Variants in TPGS2 observed in about 807,000 individuals in gnomAD.
The protein encoded by TPGS2 is tubulin polyglutamylase complex subunit 2.
Under a neutral mutation model 31.1 loss-of-function variants are expected in TPGS2, and 26 were observed. The ratio of observed to expected loss-of-function variants is 0.84; its 90% CI spans 0.61 to 1.16. The LOEUF (loss-of-function observed/expected upper bound fraction) is 1.16. Ranked by LOEUF, TPGS2 falls within the 50% of genes most tolerant of loss-of-function variation. The pLI, the probability that TPGS2 is intolerant of heterozygous loss-of-function variation, is 0.00. For synonymous variants in TPGS2, 130 were observed against 136.6 expected, an observed-to-expected ratio of 0.95 and a Z score of 0.34; for missense variants, 351 against 363.8, an observed-to-expected ratio of 0.96 and a Z score of 0.29.
chr18:36,780,079 T>C (rs991229200), downstream of TPGS2: 4 of 1,149,364 alleles, frequency 3.5e-6, no homozygotes, highest in African/African-American at 4.8e-5. Flanking sequence ...TTTATTCTTC[T>C]GGGAACAGGA....
chr18:36,820,404 C>T (rs1204939362), intron 1 of TPGS2, among the ~76,000 whole-genome samples: 1 of 152,184 alleles, frequency 6.6e-6, no homozygotes, highest in Non-Finnish European at 1.5e-5. Context: ...AATTGGCCAA[C>T]ATGTTGACTT....
intron 6 of TPGS2, among the ~76,000 whole-genome samples, chr18:36,788,332 C>A (rs1217276180): frequency 3.3e-5 from 5 of 152,184 alleles, no homozygotes; most frequent in Non-Finnish European, 5.9e-5. Flanking sequence ...TCTAGAACCA[C>A]GTGTGGTAGC....
intron 6 of TPGS2, 26 bp downstream of exon 6, chr18:36,798,423 T>C: frequency 1.2e-6 from 2 of 1,614,008 alleles, no homozygotes; most frequent in South Asian, 2.2e-5. Flanking sequence ...TACCATAGTT[T>C]ACAATGGCAG....
rs745992234 is a variant in TPGS2 at position 36,828,795 on chromosome 18, G to T, written c.-28C>A. ...CTCGCGACCGCGATTCGCGCGCGGC[G>T]GGAGCGGGTGGAGGGCCGGACCCCG... On this transcript the variant is annotated 5_prime_UTR_variant, in exon 1 of 7. Transcript: ENST00000334295. The T allele has an allele frequency of 5.0e-6, 8 of 1,610,294 alleles. No homozygotes were observed. Among genetic ancestry groups the T allele is most frequent in the Non-Finnish European group, 5.9e-6 (7 of 1,178,698 alleles).
intron 1 of TPGS2, among the ~76,000 whole-genome samples, chr18:36,822,557 G>A (rs889134323): frequency 6.6e-6 from 1 of 152,150 alleles, no homozygotes. Context: ...GGTTTTGTGA[G>A]TCAGGTTTAA....
intron 6 of TPGS2, among the ~76,000 whole-genome samples, chr18:36,786,213 A>T (rs907417612): frequency 7.2e-5 from 11 of 152,148 alleles, no homozygotes; most frequent in Non-Finnish European, 1.6e-4. Flanking sequence ...AAGCATGGTT[A>T]TGGCTGATAG....
At chr18:36,806,667 A>G (rs2045148643) in intron 3 of TPGS2, among the ~76,000 whole-genome samples, 1 of 151,962 alleles carries the variant, frequency 6.6e-6, no homozygotes, top group Non-Finnish European at 1.5e-5. Flanking sequence ...CCTGACCAAC[A>G]TGGTGAAACC....
Position 36,826,667 on chromosome 18 carries a change from C to A in TPGS2, c.85+2016G>T, listed in dbSNP as rs374002540. Among the ~76,000 whole-genome samples, 14 of 152,168 alleles carry A rather than the reference C, an allele frequency of 9.2e-5. 1 individual carries two copies. Among genetic ancestry groups the A allele is most frequent in the Admixed American group, 8.5e-4 (13 of 15,274 alleles). ...ATAATCCTCAGAAAGGTCTGCCAAT[C>A]GGGCTGCCAAAATCCTTTTGTTGTA... On this transcript the variant is annotated intron_variant, in intron 1 of 6. Coordinates refer to ENST00000334295, the MANE Select transcript of TPGS2 (RefSeq NM_015476.4).
chr18:36,823,906 G>C, intron 1 of TPGS2: 1 of 971,374 alleles, frequency 1.0e-6, no homozygotes, highest in Non-Finnish European at 1.2e-6. Flanking sequence ...ATAGTACCGT[G>C]TTTAGAATTC....
downstream of TPGS2, chr18:36,780,234 G>T: frequency 2.5e-6 from 3 of 1,213,032 alleles, no homozygotes; most frequent in South Asian, 4.2e-5. Context: ...TGTGCTCTTT[G>T]AAACTCCTTT....
At chr18:36,823,460 G>GTTTTTTTTTTTTTTTTTTTTTTTTTTTTT (rs919277214) in intron 1 of TPGS2, among the ~76,000 whole-genome samples, 1 of 108,110 alleles carries the variant, frequency 9.2e-6, no homozygotes, top group Non-Finnish European at 1.8e-5. Context: ...TTAACAGCTT[G>GTTTTTTTTTTTTTTTTTTTTTTTTTTTTT]TTTTTTTTTT....
rs2044530507 is a variant in TPGS2, at chr18:36,796,491, G to GA, written c.*313dup. ...GTCAAAACCAGTGGTTTCTTTGGGGGACCTCTCTAATCAATCAGTGCTAAG... is the reference window on the plus strand; with the variant it reads ...GTCAAAACCAGTGGTTTCTTTGGGGGAACCTCTCTAATCAATCAGTGCTAAG... On this transcript the variant is annotated 3_prime_UTR_variant, in exon 7 of 7. Coordinates refer to ENST00000334295, the MANE Select transcript of TPGS2 (RefSeq NM_015476.4). 9.1e-7 allele frequency: 1 copy of GA among 1,101,746 alleles called. No individual in the cohort carries two copies. Among genetic ancestry groups the GA allele is most frequent in the South Asian group, 4.3e-5 (1 of 23,138 alleles). 68.2% of individuals were successfully genotyped at this position (1,101,746 alleles called of 1,614,324 possible).
At position 36,828,701 on chromosome 18, in the gene TPGS2, C is replaced by T. The variant is rs1450435126; in HGVS notation, c.67G>A (p.Gly23Ser). ...TCCTCACCTAGGATGCGCGTGATGC[C>T]CAGGGTCAGCTTCTCCAGGTGCGGC... ...SKPHLEKLTL[G>S]ITRILESSPG... Residue 23 changes from glycine to serine, a missense_variant, in exon 1 of 7, where the codon GGC (glycine) becomes AGC (serine). Gly to Ser is a moderately conservative substitution (Grantham distance 56). Coordinates refer to ENST00000334295, the MANE Select transcript of TPGS2 (RefSeq NM_015476.4). The T allele has an allele frequency of 1.2e-6, 2 of 1,614,150 alleles. No homozygotes were observed. Among genetic ancestry groups the T allele is most frequent in the Non-Finnish European group, 8.5e-7 (1 of 1,180,008 alleles).
intron 1 of TPGS2, among the ~76,000 whole-genome samples, chr18:36,824,266 T>G (rs558521963): frequency 2.0e-5 from 3 of 152,242 alleles, no homozygotes; most frequent in Non-Finnish European, 2.9e-5. Context: ...GTTCATCAAC[T>G]GATGGATGTT....
intron 1 of TPGS2, among the ~76,000 whole-genome samples, chr18:36,827,596 G>A (rs1362923828): frequency 6.6e-6 from 1 of 152,214 alleles, no homozygotes; most frequent in Non-Finnish European, 1.5e-5. Flanking sequence ...TGTGGGTCAT[G>A]GTACAGACAT....
intron 4 of TPGS2, among the ~76,000 whole-genome samples, chr18:36,803,764 G>A (rs2044961278): frequency 6.6e-6 from 1 of 152,060 alleles, no homozygotes. Context: ...TTCAATTCAT[G>A]TAGTCAATTG....
chr18:36,819,065 T>A, intron 1 of TPGS2, 92 bp from the exon 2 acceptor site: 2 of 1,030,150 alleles, frequency 1.9e-6, no homozygotes, highest in Non-Finnish European at 3.0e-6. Flanking sequence ...TGACTGCTCT[T>A]AAGAACATCC....
Position 36,794,116 on chromosome 18 carries a change from A to G in TPGS2, c.*2689T>C, listed in dbSNP as rs2044413076. 4.1e-6 allele frequency: 1 copy of G among 245,070 alleles called. No homozygotes were observed. The highest frequency in any genetic ancestry group is 1.8e-4 in the East Asian group (1 of 5,528). The allele number at this position is 245,070 out of a possible 1,614,324, so 15.2% of individuals were successfully genotyped here. A position where few individuals can be genotyped will look rare whatever the true frequency, so the allele number is the denominator to read the frequency against. On this transcript the variant is annotated 3_prime_UTR_variant, in exon 7 of 7. Coordinates refer to ENST00000334295, the MANE Select transcript of TPGS2 (RefSeq NM_015476.4). ...TAGTAAAATGCATGATAGGAATTTA[A>G]CATTTAAGTTTTTAGTTAGAACAGC...
intron 4 of TPGS2, among the ~76,000 whole-genome samples, chr18:36,804,036 C>A (rs1437246738): frequency 6.6e-6 from 1 of 152,068 alleles, no homozygotes; most frequent in Non-Finnish European, 1.5e-5. Context: ...GATGATAGCA[C>A]ACTACAGCCT....
Sources: allele counts gnomAD v4.1 joint callset (sites outside exome capture counted in the v4.1 genomes callset), GRCh38; gene constraint gnomAD v4.1.1; transcripts MANE v1.5; gene names NCBI Gene and HGNC (gene_info 2026-07-23, HGNC 2026-07-21).